STMN2: variants seen among roughly 807,000 people sequenced by gnomAD.
STMN2 encodes the protein stathmin 2.
STMN2 carries 2 observed loss-of-function variants against 24.1 expected under a neutral mutation model. The ratio of observed to expected loss-of-function variants is 0.08; its 90% CI spans 0.03 to 0.26. STMN2 has a LOEUF of 0.26. Among genes scored for constraint, STMN2 ranks in the 10% least tolerant of loss-of-function variants. The probability of loss-of-function intolerance (pLI) is 1.00; values close to 1 mark genes in which losing one functional copy is unlikely to be tolerated. For missense variants in STMN2, 114 were observed against 213.6 expected (o/e 0.53, Z 2.91); for synonymous variants, 83 against 77.5 (o/e 1.07, Z -0.37).
chr8:79,636,973 C>G, intron 2 of STMN2, 76 bp downstream of exon 2: 2 of 1,318,484 alleles, frequency 1.5e-6, no homozygotes, highest in Admixed American at 1.8e-5. Context: ...TTTCTTACAG[C>G]TCCTGATATA....
At chr8:79,648,756 C>A (rs1387283546) in intron 3 of STMN2, among the ~76,000 whole-genome samples, 1 of 151,990 alleles carries the variant, frequency 6.6e-6, no homozygotes, top group African/African-American at 2.4e-5. Context: ...AGCCACCATG[C>A]CCGGCCAATA....
At chr8:79,629,350 A>T (rs919370509) in intron 1 of STMN2, among the ~76,000 whole-genome samples, 3 of 152,216 alleles carry the variant, frequency 2.0e-5, no homozygotes, top group African/African-American at 7.2e-5. Flanking sequence ...CATATTACTT[A>T]AGTATGACTA....
intron 1 of STMN2, chr8:79,611,801 CG>C: frequency 1.4e-6 from 1 of 718,178 alleles, no homozygotes. Context: ...GGTAAGACGG[CG>C]GGGGACAGGG....
At chr8:79,644,906 G>T (rs1379227699) in intron 3 of STMN2, among the ~76,000 whole-genome samples, 1 of 152,170 alleles carries the variant, frequency 6.6e-6, no homozygotes, top group Non-Finnish European at 1.5e-5. Flanking sequence ...TATAATCCCA[G>T]CACTTTGGGA....
intron 4 of STMN2, among the ~76,000 whole-genome samples, chr8:79,662,252 G>C (rs1451594279): frequency 2.6e-5 from 4 of 152,008 alleles, no homozygotes; most frequent in African/African-American, 9.7e-5. Flanking sequence ...TGGGAGGAAG[G>C]GGGTAAATTG....
At chr8:79,638,146 G>A (rs754232306) in intron 2 of STMN2, among the ~76,000 whole-genome samples, 6 of 152,152 alleles carry the variant, frequency 3.9e-5, no homozygotes, top group East Asian at 1.9e-4. Context: ...GACTAATGTC[G>A]AACTATGGGT....
At chr8:79,617,233 T>G (rs1418676937) in intron 1 of STMN2, among the ~76,000 whole-genome samples, 1 of 152,198 alleles carries the variant, frequency 6.6e-6, no homozygotes, top group African/African-American at 2.4e-5. Flanking sequence ...GAAGTCAACC[T>G]ACAGATCAGA....
intron 3 of STMN2, among the ~76,000 whole-genome samples, chr8:79,645,491 T>A (rs1810198563): frequency 6.6e-6 from 1 of 152,196 alleles, no homozygotes. Flanking sequence ...ACCTAGTGAA[T>A]AATGGGGAAA....
At chr8:79,616,239 CTAGTTT>C (rs1809379860) in intron 1 of STMN2, among the ~76,000 whole-genome samples, 2 of 152,158 alleles carry the variant, frequency 1.3e-5, no homozygotes, top group African/African-American at 2.4e-5. Context: ...TGATTTCAAT[CTAGTTT>C]TATCAGATTT....
intron 2 of STMN2, among the ~76,000 whole-genome samples, chr8:79,638,679 C>G (rs1298338799): frequency 6.6e-6 from 1 of 152,068 alleles, no homozygotes; most frequent in Non-Finnish European, 1.5e-5. Context: ...TTCACAACCA[C>G]CTTAGAAGGA....
At position 79,632,274 on chromosome 8, in the gene STMN2, CT is replaced by C. The variant is rs539501514; in HGVS notation, c.20-4527del. Among the ~76,000 whole-genome samples the C allele has an allele frequency of 3.7e-4, 57 of 152,288 alleles. No individual in the cohort carries two copies. The South Asian group carries it at 0.012, about 31-fold the overall frequency. On this transcript the variant is annotated intron_variant, in intron 1 of 4. Coordinates refer to ENST00000220876, the MANE Select transcript of STMN2 (RefSeq NM_007029.4). ...TTTTGTCCTTTCTGTCTATCAGAAACTGTGCAAATCGAATTGCTGTAAAACC... is the reference window on the plus strand; with the variant it reads ...TTTTGTCCTTTCTGTCTATCAGAAACGTGCAAATCGAATTGCTGTAAAACC...
chr8:79,656,479 T>G (rs1806369327), intron 4 of STMN2, among the ~76,000 whole-genome samples: 1 of 152,242 alleles, frequency 6.6e-6, no homozygotes, highest in African/African-American at 2.4e-5. Context: ...CCAGGTGATT[T>G]ATGGCGGTAT....
intron 1 of STMN2, 142 bp downstream of exon 1, chr8:79,611,356 T>C: frequency 8.8e-7 from 1 of 1,142,382 alleles, no homozygotes; most frequent in Non-Finnish European, 1.3e-6. Flanking sequence ...GACAGGGCAG[T>C]TCTGGGGGAG....
At chr8:79,628,748 G>A (rs1809726020) in intron 1 of STMN2, among the ~76,000 whole-genome samples, 1 of 152,032 alleles carries the variant, frequency 6.6e-6, no homozygotes, top group Admixed American at 6.6e-5. Flanking sequence ...ACTTCTCAGA[G>A]GAGCTTTCAT....
intron 4 of STMN2, among the ~76,000 whole-genome samples, chr8:79,656,619 T>TTCC (rs1806375727): frequency 6.6e-6 from 1 of 152,188 alleles, no homozygotes; most frequent in Admixed American, 6.5e-5. Context: ...ACTAAGGATG[T>TTCC]TCCCGCTTGA....
chr8:79,615,551 A>C (rs1263910479), intron 1 of STMN2, among the ~76,000 whole-genome samples: 1 of 152,208 alleles, frequency 6.6e-6, no homozygotes, highest in African/African-American at 2.4e-5. Context: ...TGTTTTCAGA[A>C]CCTAGACTGG....
intron 1 of STMN2, among the ~76,000 whole-genome samples, chr8:79,633,017 T>TC (rs1733449666): frequency 6.6e-6 from 1 of 152,068 alleles, no homozygotes; most frequent in African/African-American, 2.4e-5. Flanking sequence ...CCCTTTTTTT[T>TC]CTCTTTGCAC....
At chr8:79,631,264 A>T (rs1809796395) in intron 1 of STMN2, among the ~76,000 whole-genome samples, 1 of 152,186 alleles carries the variant, frequency 6.6e-6, no homozygotes, top group Admixed American at 6.5e-5. Flanking sequence ...TAAGAGCCTC[A>T]TATGTTTCTG....
chr8:79,654,836 G>A, intron 3 of STMN2, 35 bp from the exon 4 acceptor site: 1 of 1,597,740 alleles, frequency 6.3e-7, no homozygotes, highest in Non-Finnish European at 8.5e-7. Context: ...TTTGTGTTTG[G>A]ATAATTATAA....
Sources: gnomAD v4.1 joint callset for allele counts (sites outside exome capture counted in the v4.1 genomes callset) on GRCh38, gnomAD v4.1.1 for gene constraint, MANE v1.5 for transcripts, NCBI Gene and HGNC (gene_info 2026-07-23, HGNC 2026-07-21) for gene names.